The following LRRC8B variants were observed in gnomAD, a reference collection of about 807,000 sequenced individuals.
LRRC8B encodes the protein volume-regulated anion channel subunit LRRC8B.
Under a neutral mutation model 58.8 loss-of-function variants are expected in LRRC8B, and 23 were observed. The ratio of observed to expected loss-of-function variants is 0.39; its 90% CI spans 0.28 to 0.55. The LOEUF (loss-of-function observed/expected upper bound fraction) is 0.55, where lower values mean the gene tolerates loss of function less well. Among genes scored for constraint, LRRC8B ranks in the 20% least tolerant of loss-of-function variants. The pLI, the probability that LRRC8B is intolerant of heterozygous loss-of-function variation, is 0.62. For missense variants in LRRC8B, 694 were observed against 936.0 expected (o/e 0.74, Z 3.37); for synonymous variants, 359 against 374.1 (o/e 0.96, Z 0.47).
At chr1:89,543,886 C>T (rs1001423789) in intron 1 of LRRC8B, among the ~76,000 whole-genome samples, 1 of 151,984 alleles carries the variant, frequency 6.6e-6, no homozygotes, top group Non-Finnish European at 1.5e-5. Flanking sequence ...CTCCCAGGCT[C>T]AGGCTATCCT....
intron 4 of LRRC8B, among the ~76,000 whole-genome samples, chr1:89,582,246 G>GAAAA (rs36021592): frequency 1.3e-5 from 2 of 151,708 alleles, no homozygotes; most frequent in Non-Finnish European, 2.9e-5. Context: ...AAGAAAGAAA[G>GAAAA]AAAAAAATAT....
At chr1:89,587,510 G>A in intron 5 of LRRC8B, among the ~76,000 whole-genome samples, 1 of 152,140 alleles carries the variant, frequency 6.6e-6, no homozygotes, top group Non-Finnish European at 1.5e-5. Context: ...TCTAGCCTGA[G>A]CGACAGAGCA....
chr1:89,527,763 G>A (rs971161093), intron 1 of LRRC8B, among the ~76,000 whole-genome samples: 34 of 152,118 alleles, frequency 2.2e-4, no homozygotes, highest in African/African-American at 7.7e-4. Flanking sequence ...TGATCATTAA[G>A]GTTGATCTTA....
chr1:89,537,544 C>T (rs1650624214), intron 1 of LRRC8B, among the ~76,000 whole-genome samples: 2 of 152,162 alleles, frequency 1.3e-5, no homozygotes, highest in Non-Finnish European at 2.9e-5. Flanking sequence ...ATGATCTCGG[C>T]TCACTGTAAC....
chr1:89,594,309 C>G lies in LRRC8B; in HGVS notation c.*1266C>G, dbSNP rs764103888. On this transcript the variant is annotated 3_prime_UTR_variant, in exon 6 of 6. Coordinates refer to ENST00000330947, the MANE Select transcript of LRRC8B (RefSeq NM_001369817.2). The stretch of plus-strand genomic sequence containing the variant: ...ACTAATTACTTTTGGATAACAAAAG[C>G]CTTGTGTTTAATGCCCTAAAGTATT... 2 of 152,034 alleles carry G rather than the reference C, an allele frequency of 1.3e-5. No homozygotes were observed. The highest frequency in any genetic ancestry group is 6.5e-5 in the Admixed American group (1 of 15,280). 9.4% of individuals were successfully genotyped at this position (152,034 alleles called of 1,614,324 possible). A position where few individuals can be genotyped will look rare whatever the true frequency, so the allele number is the denominator to read the frequency against.
chr1:89,539,802 A>G (rs1219134155), intron 1 of LRRC8B, among the ~76,000 whole-genome samples: 1 of 152,138 alleles, frequency 6.6e-6, no homozygotes, highest in Non-Finnish European at 1.5e-5. Context: ...CCTATGTTAG[A>G]TTTTTTTTAA....
At chr1:89,574,651 A>G (rs1042761787) in intron 3 of LRRC8B, among the ~76,000 whole-genome samples, 4 of 152,178 alleles carry the variant, frequency 2.6e-5, no homozygotes, top group Non-Finnish European at 4.4e-5. Flanking sequence ...AGACTAATTA[A>G]AGAAGAAACT....
Position 89,583,647 on chromosome 1 carries a change from A to G in LRRC8B, c.997A>G (p.Ser333Gly). The change falls in exon 5 of 6, where the codon AGC becomes GGC. Residue 333 changes from serine (S) to glycine (G), a missense_variant. Around this residue, in one of 5 missense-constraint regions of LRRC8B, gnomAD observed 316 missense variants for 403.8 expected, o/e 0.78. Coordinates refer to ENST00000330947, the MANE Select transcript of LRRC8B (RefSeq NM_001369817.2). The surrounding 1 kb of genome is among the most constrained non-coding windows in gnomAD (Gnocchi z 5.2). ...ACTTTATGGTCTGACCTCTTCCTAC[A>G]GCCTGTGGTGGATGCTGAGGAGTTC... The part of the protein sequence containing the change: ...VILYGLTSSY[S>G]LWWMLRSSLK... The G allele has an allele frequency of 1.2e-6, 2 of 1,613,588 alleles. No homozygotes were observed. Among genetic ancestry groups the G allele is most frequent in the East Asian group, 2.2e-5 (1 of 44,880 alleles).
chr1:89,529,225 TTTAA>T (rs1209024268), intron 1 of LRRC8B, among the ~76,000 whole-genome samples: 3 of 152,226 alleles, frequency 2.0e-5, no homozygotes, highest in Non-Finnish European at 4.4e-5. Flanking sequence ...CTTCTTTTCC[TTTAA>T]TTGTCTAGTT....
At chr1:89,564,565 C>T (rs900873689) in intron 1 of LRRC8B, among the ~76,000 whole-genome samples, 1 of 152,110 alleles carries the variant, frequency 6.6e-6, no homozygotes, top group African/African-American at 2.4e-5. Context: ...TCTACTTCAC[C>T]AGGTACACAG....
At chr1:89,528,741 A>G (rs1014940235) in intron 1 of LRRC8B, among the ~76,000 whole-genome samples, 2 of 152,240 alleles carry the variant, frequency 1.3e-5, no homozygotes, top group African/African-American at 4.8e-5. Context: ...ACCATATATA[A>G]GATGAGGCCC....
In LRRC8B at chr1:89,570,179, T is replaced by G. The variant is rs116722626; in HGVS notation, c.-125+1686T>G. Among the ~76,000 whole-genome samples, 1,221 of 152,256 alleles carry G rather than the reference T, an allele frequency of 8.0e-3. 11 individuals are homozygous for G. The highest frequency in any genetic ancestry group is 0.028 in the African/African-American group (1,162 of 41,550). ...CTATTGTGAATAATGCTGCAATGAA[T>G]ATACACATGCATGTGCCTTTATAAT... On this transcript the variant is annotated intron_variant, in intron 3 of 5. Coordinates refer to ENST00000330947, the MANE Select transcript of LRRC8B (RefSeq NM_001369817.2).
In LRRC8B at chr1:89,595,885, T is replaced by A. The variant is rs1318380704; in HGVS notation, c.*2842T>A. On this transcript the variant is annotated 3_prime_UTR_variant, in exon 6 of 6. Transcript: ENST00000330947. ...TATAATTATGAGACTTTCGTTGGCA[T>A]TTGATTTCAAGAATACATATGCATT... 2.6e-5 allele frequency: 4 copies of A among 152,184 alleles called. No homozygotes were observed. Among genetic ancestry groups the A allele is most frequent in the Non-Finnish European group, 5.9e-5 (4 of 67,986 alleles). The allele number at this position is 152,184 out of a possible 1,614,324, so 9.4% of individuals were successfully genotyped here. A position where few individuals can be genotyped will look rare whatever the true frequency, so the allele number is the denominator to read the frequency against.
At chr1:89,545,807 G>A (rs1450258261) in intron 1 of LRRC8B, among the ~76,000 whole-genome samples, 2 of 152,200 alleles carry the variant, frequency 1.3e-5, no homozygotes, top group Non-Finnish European at 2.9e-5. Context: ...ATCGTAGGAG[G>A]TGAGGCTTGC....
intron 1 of LRRC8B, among the ~76,000 whole-genome samples, chr1:89,547,331 GTT>G (rs1343029521): frequency 6.6e-6 from 1 of 151,454 alleles, no homozygotes; most frequent in Non-Finnish European, 1.5e-5. Flanking sequence ...GACTCTTTCT[GTT>G]TTAGAGATCC....
intron 4 of LRRC8B, among the ~76,000 whole-genome samples, chr1:89,579,981 A>G (rs1008145834): frequency 1.3e-5 from 2 of 152,208 alleles, no homozygotes; most frequent in Admixed American, 1.3e-4. Context: ...TTTATTTATC[A>G]AGATTCTGCT....
chr1:89,559,064 G>A (rs969314309), intron 1 of LRRC8B: 2 of 152,074 alleles, frequency 1.3e-5, no homozygotes, highest in African/African-American at 2.4e-5. Flanking sequence ...GGGAGGAAAC[G>A]GTAGATGCAG....
intron 1 of LRRC8B, among the ~76,000 whole-genome samples, chr1:89,551,195 A>G (rs375294085): frequency 1.3e-5 from 2 of 151,938 alleles, no homozygotes; most frequent in African/African-American, 4.8e-5. Context: ...GCTCAGAGAT[A>G]CCTTATCTAT....
intron 3 of LRRC8B, among the ~76,000 whole-genome samples, chr1:89,570,096 C>T (rs1366641138): frequency 6.6e-6 from 1 of 152,042 alleles, no homozygotes; most frequent in Non-Finnish European, 1.5e-5. Context: ...GTATATGTAC[C>T]ACATTTTCTT....
Sources: allele counts gnomAD v4.1 joint callset (sites outside exome capture counted in the v4.1 genomes callset), GRCh38; gene constraint gnomAD v4.1.1; regional missense constraint gnomAD v4.1.1; non-coding constraint Gnocchi (gnomAD v3.1); transcripts MANE v1.5; gene names NCBI Gene and HGNC (gene_info 2026-07-23, HGNC 2026-07-21).